Variants in LUZP2 observed in about 807,000 individuals in gnomAD.
LUZP2 encodes leucine zipper protein 2.
LUZP2 carries 52 observed loss-of-function variants against 51.6 expected under a neutral mutation model. That is an observed-to-expected ratio of 1.01 (90% CI 0.81 to 1.27). The LOEUF (loss-of-function observed/expected upper bound fraction) is 1.27. Among genes scored for constraint, LUZP2 ranks in the 50% most tolerant of loss-of-function variants. The pLI is 0.00. For missense variants in LUZP2, 436 were observed against 395.4 expected, an observed-to-expected ratio of 1.10 and a Z score of -0.87; for synonymous variants, 154 against 137.3, an observed-to-expected ratio of 1.12 and a Z score of -0.85.
At chr11:24,582,162 T>C (rs1371714677) in intron 1 of LUZP2, among the ~76,000 whole-genome samples, 3 of 152,166 alleles carry the variant, frequency 2.0e-5, no homozygotes, top group Non-Finnish European at 4.4e-5. Flanking sequence ...ATGATGTGGT[T>C]ATCTAACATA....
At chr11:24,997,891 G>T (rs1439853948) in intron 9 of LUZP2, among the ~76,000 whole-genome samples, 4 of 152,214 alleles carry the variant, frequency 2.6e-5, no homozygotes, top group South Asian at 4.1e-4. Flanking sequence ...TTTCCCCATT[G>T]CTTGTTTTTC....
At chr11:24,702,778 G>A (rs1201084050) in intron 1 of LUZP2, among the ~76,000 whole-genome samples, 3 of 152,146 alleles carry the variant, frequency 2.0e-5, no homozygotes, top group Admixed American at 1.3e-4. Flanking sequence ...GATCTTCTAT[G>A]TGAGTGTTGT....
intron 9 of LUZP2, among the ~76,000 whole-genome samples, chr11:24,984,167 C>T (rs904988517): frequency 1.2e-4 from 18 of 151,508 alleles, no homozygotes; most frequent in South Asian, 4.1e-4. Context: ...AGCCTGACTT[C>T]TAAATGCAAA....
At chr11:24,732,326 T>C (rs1341023526) in intron 3 of LUZP2, 138 bp downstream of exon 3, 1 of 632,070 alleles carries the variant, frequency 1.6e-6, no homozygotes, top group East Asian at 2.9e-5. Context: ...GCAATTCACT[T>C]GGGAATCTTG....
chr11:24,568,502 G>C (rs1023711818), intron 1 of LUZP2, among the ~76,000 whole-genome samples: 1 of 151,828 alleles, frequency 6.6e-6, no homozygotes, highest in African/African-American at 2.4e-5. Context: ...TGAAAAACAT[G>C]TATGCATCTA....
intron 9 of LUZP2, among the ~76,000 whole-genome samples, chr11:25,020,547 C>T (rs1206732203): frequency 1.3e-5 from 2 of 151,848 alleles, no homozygotes; most frequent in Admixed American, 1.3e-4. Context: ...TCACTAGTCA[C>T]ATCTTTCTGT....
intron 10 of LUZP2, among the ~76,000 whole-genome samples, chr11:25,061,044 T>C (rs1858820832): frequency 6.8e-6 from 1 of 146,674 alleles, no homozygotes; most frequent in African/African-American, 2.4e-5. Flanking sequence ...CAATAAGATA[T>C]CAAAGTCCAG....
At chr11:24,854,645 A>G (rs1028420342) in intron 5 of LUZP2, among the ~76,000 whole-genome samples, 2 of 144,122 alleles carry the variant, frequency 1.4e-5, no homozygotes, top group Admixed American at 7.2e-5. Flanking sequence ...TCTCACTGGC[A>G]TTCCAGGCAT....
chr11:24,695,808 G>A (rs1857228589), intron 1 of LUZP2, among the ~76,000 whole-genome samples: 1 of 151,920 alleles, frequency 6.6e-6, no homozygotes, highest in Non-Finnish European at 1.5e-5. Flanking sequence ...GAGTGATTTT[G>A]ACAGGTTCAG....
chr11:24,693,494 A>C (rs1857143508), intron 1 of LUZP2, among the ~76,000 whole-genome samples: 1 of 151,894 alleles, frequency 6.6e-6, no homozygotes, highest in African/African-American at 2.4e-5. Context: ...CCTACAAATA[A>C]AAGGAAACTA....
chr11:25,055,537 T>C (rs983603170), intron 10 of LUZP2, among the ~76,000 whole-genome samples: 2 of 24,328 alleles, frequency 8.2e-5, no homozygotes, highest in Admixed American at 1.2e-3. Context: ...CTGTGAGCTC[T>C]GAGTTAAAAC....
At chr11:24,695,280 G>A (rs185004588) in intron 1 of LUZP2, among the ~76,000 whole-genome samples, 10 of 152,158 alleles carry the variant, frequency 6.6e-5, no homozygotes, top group Non-Finnish European at 1.3e-4. Flanking sequence ...ATGTGGGTAA[G>A]TGACTAAAGC....
chr11:25,045,401 A>T (rs951567887), intron 9 of LUZP2, among the ~76,000 whole-genome samples: 1 of 151,800 alleles, frequency 6.6e-6, no homozygotes, highest in African/African-American at 2.4e-5. Flanking sequence ...AAAAAAAAAA[A>T]GAAAGTTACA....
intron 1 of LUZP2, among the ~76,000 whole-genome samples, chr11:24,625,054 A>G (rs1395851708): frequency 2.6e-5 from 4 of 152,148 alleles, no homozygotes; most frequent in East Asian, 1.9e-4. Context: ...ATGAAACTGG[A>G]TGACATAATG....
chr11:24,533,809 A>AT (rs898554177), intron 1 of LUZP2, among the ~76,000 whole-genome samples: 2 of 151,002 alleles, frequency 1.3e-5, no homozygotes, highest in Non-Finnish European at 3.0e-5. Context: ...ACATATAAAA[A>AT]ATCCAGCATA....
intron 5 of LUZP2, among the ~76,000 whole-genome samples, chr11:24,826,663 C>G (rs1189786498): frequency 6.6e-6 from 1 of 152,060 alleles, no homozygotes; most frequent in Non-Finnish European, 1.5e-5. Context: ...TTGATTCACT[C>G]TAAACACTTC....
intron 7 of LUZP2, among the ~76,000 whole-genome samples, chr11:24,937,626 G>A (rs1208905453): frequency 2.6e-5 from 4 of 152,124 alleles, no homozygotes; most frequent in Non-Finnish European, 5.9e-5. Flanking sequence ...ATGTGGCCGG[G>A]CGCGGTGGCT....
At chr11:24,670,373 A>G (rs1001575354) in intron 1 of LUZP2, among the ~76,000 whole-genome samples, 49 of 152,110 alleles carry the variant, frequency 3.2e-4, no homozygotes, top group African/African-American at 1.0e-3. Context: ...GAATGTTGTC[A>G]TTCCCATTTT....
intron 1 of LUZP2, among the ~76,000 whole-genome samples, chr11:24,541,482 T>C (rs560666189): frequency 6.6e-6 from 1 of 152,172 alleles, no homozygotes; most frequent in Admixed American, 6.6e-5. Context: ...AGAACATCCT[T>C]GGGGCTGAGA....
Sources: allele counts gnomAD v4.1 joint callset (sites outside exome capture counted in the v4.1 genomes callset), GRCh38; gene constraint gnomAD v4.1.1; transcripts MANE v1.5; gene names NCBI Gene and HGNC (gene_info 2026-07-23, HGNC 2026-07-21).